The following PPARGC1A variants were observed in gnomAD, a reference collection of about 807,000 sequenced individuals.
The protein encoded by PPARGC1A is PPARG coactivator 1 alpha.
PPARGC1A carries 25 observed loss-of-function variants against 88.7 expected under a neutral mutation model. The ratio of observed to expected loss-of-function variants is 0.28; its 90% CI spans 0.21 to 0.39. PPARGC1A has a LOEUF of 0.39. Ranked by LOEUF, PPARGC1A falls within the 10% of genes least tolerant of loss-of-function variation. The pLI is 1.00. For synonymous variants in PPARGC1A, 363 were observed against 355.6 expected, an observed-to-expected ratio of 1.02 and a Z score of -0.24; for missense variants, 880 against 968.7, an observed-to-expected ratio of 0.91 and a Z score of 1.22.
the PPARGC1A span, among the ~76,000 whole-genome samples, chr4:24,173,351 A>G: frequency 3.3e-5 from 5 of 152,132 alleles, no homozygotes; most frequent in Admixed American, 1.3e-4. Context: ...AAAAAAAAAA[A>G]AAAAAAGAAA....
chr4:24,087,201 C>T, the PPARGC1A span, among the ~76,000 whole-genome samples: 13 of 152,286 alleles, frequency 8.5e-5, no homozygotes, highest in African/African-American at 2.9e-4. Flanking sequence ...CACTAGCCAG[C>T]GCTGGAACTT....
chr4:24,220,055 G>A, the PPARGC1A span, among the ~76,000 whole-genome samples: 8 of 152,256 alleles, frequency 5.3e-5, no homozygotes, highest in East Asian at 1.5e-3. Flanking sequence ...ATTAAAAAGT[G>A]GAACAAAGGA....
At chr4:24,193,144 A>C in the PPARGC1A span, among the ~76,000 whole-genome samples, 1 of 152,208 alleles carries the variant, frequency 6.6e-6, no homozygotes, top group African/African-American at 2.4e-5. Context: ...TTGGTATTTT[A>C]ATTTTTTGGA....
chr4:24,169,729 C>T, the PPARGC1A span, among the ~76,000 whole-genome samples: 9 of 152,166 alleles, frequency 5.9e-5, no homozygotes, highest in Non-Finnish European at 1.0e-4. Flanking sequence ...AATTAGGGAA[C>T]ATTGTGGCAG....
At chr4:24,065,182 G>A in the PPARGC1A span, among the ~76,000 whole-genome samples, 28 of 152,088 alleles carry the variant, frequency 1.8e-4, no homozygotes, top group Non-Finnish European at 3.2e-4. Context: ...ACCCAATCGC[G>A]TAGATCAGTC....
chr4:24,437,641 AGTTTTG>A, the PPARGC1A span, among the ~76,000 whole-genome samples: 1 of 143,492 alleles, frequency 7.0e-6, no homozygotes, highest in South Asian at 2.3e-4. Context: ...TTGTTGTTTT[AGTTTTG>A]GTTTTTTGGG....
At chr4:24,376,000 T>C in the PPARGC1A span, among the ~76,000 whole-genome samples, 1 of 145,246 alleles carries the variant, frequency 6.9e-6, no homozygotes, top group Admixed American at 7.1e-5. Flanking sequence ...GCGTGGATTG[T>C]GCAAGATGGC....
the PPARGC1A span, among the ~76,000 whole-genome samples, chr4:23,958,249 T>C: frequency 6.6e-6 from 1 of 152,166 alleles, no homozygotes; most frequent in Non-Finnish European, 1.5e-5. Flanking sequence ...TCATGTTTAC[T>C]GTATATAGAA....
chr4:23,878,342 C>T (rs943179099), intron 2 of PPARGC1A, among the ~76,000 whole-genome samples: 2 of 145,056 alleles, frequency 1.4e-5, no homozygotes, highest in Admixed American at 6.8e-5. Flanking sequence ...ACCGAATCAA[C>T]GTCCATAAAA....
intron 2 of PPARGC1A, among the ~76,000 whole-genome samples, chr4:23,850,106 G>C (rs1252781538): frequency 1.3e-5 from 2 of 151,966 alleles, no homozygotes. Flanking sequence ...ATATCACACT[G>C]TTTGTTTGAG....
chr4:23,829,502 A>T lies in PPARGC1A; in HGVS notation c.513T>A (p.Asn171Lys), dbSNP rs1280258407. Residue 171 changes from asparagine (N) to lysine (K), a missense_variant, in exon 4 of 13, where the codon AAT becomes AAA. Coordinates refer to ENST00000264867, the MANE Select transcript of PPARGC1A (RefSeq NM_013261.5). The stretch of plus-strand genomic sequence containing the variant: ...GGTTTGTTCTGATCCTGTGATTGTG[A>T]TTTGCATGGTTCTGGGTACTGAGAC... ...CSGLSTQNHA[N>K]HNHRIRTNPA... The T allele has an allele frequency of 6.2e-7, 1 of 1,613,818 alleles. No individual in the cohort carries two copies. The highest frequency in any genetic ancestry group is 1.3e-5 in the African/African-American group (1 of 75,014).
chr4:24,305,421 T>C, the PPARGC1A span, among the ~76,000 whole-genome samples: 1 of 152,150 alleles, frequency 6.6e-6, no homozygotes. Flanking sequence ...TTTCCTGATC[T>C]ATAAAATATG....
the PPARGC1A span, among the ~76,000 whole-genome samples, chr4:24,391,314 C>A: frequency 6.6e-6 from 1 of 152,126 alleles, no homozygotes; most frequent in Non-Finnish European, 1.5e-5. Context: ...AAAGTTGGCT[C>A]CTTTTCATCA....
chr4:23,966,472 T>C, the PPARGC1A span, among the ~76,000 whole-genome samples: 1 of 152,200 alleles, frequency 6.6e-6, no homozygotes, highest in African/African-American at 2.4e-5. Context: ...GACAGGGCAG[T>C]AGAGATTATG....
At chr4:24,387,920 AAGAAAGAAAGAAAG>A in the PPARGC1A span, among the ~76,000 whole-genome samples, 975 of 19,062 alleles carry the variant, frequency 0.051, 59 homozygotes, top group South Asian at 0.25. Context: ...GAAAGAAAGA[AAGAAAGAAAGAAAG>A]AGAAAGAAAG....
the PPARGC1A span, among the ~76,000 whole-genome samples, chr4:24,264,117 TTA>T: frequency 6.6e-6 from 1 of 150,588 alleles, no homozygotes; most frequent in African/African-American, 2.5e-5. Context: ...TATAGAATAC[TTA>T]TATAAAATAT....
chr4:23,998,446 CCAT>C, the PPARGC1A span, among the ~76,000 whole-genome samples: 1 of 151,564 alleles, frequency 6.6e-6, no homozygotes, highest in Non-Finnish European at 1.5e-5. Context: ...TTTTTTTTAG[CCAT>C]CATGTTTCTA....
chr4:24,466,905 A>AAAAAAAAG, the PPARGC1A span, among the ~76,000 whole-genome samples: 26 of 145,148 alleles, frequency 1.8e-4, no homozygotes, highest in Admixed American at 1.4e-4. Context: ...AAAAAAGAGG[A>AAAAAAAAG]AGGAAGGAAG....
At chr4:24,196,941 C>A in the PPARGC1A span, among the ~76,000 whole-genome samples, 1 of 152,136 alleles carries the variant, frequency 6.6e-6, no homozygotes, top group East Asian at 1.9e-4. Flanking sequence ...AGTCAATGAA[C>A]TATAAGCAGA....
Sources: allele counts gnomAD v4.1 joint callset (sites outside exome capture counted in the v4.1 genomes callset), GRCh38; gene constraint gnomAD v4.1.1; transcripts MANE v1.5; gene names NCBI Gene and HGNC (gene_info 2026-07-23, HGNC 2026-07-21).